The following ABCC3 variants were observed in gnomAD, a reference collection of about 807,000 sequenced individuals.
The protein encoded by ABCC3 is ATP-binding cassette sub-family C member 3.
In ABCC3, 121 loss-of-function variants were observed where a neutral mutation model predicts 165.3. The observed-to-expected ratio is 0.73, with a 90% CI of 0.63 to 0.85. The LOEUF (loss-of-function observed/expected upper bound fraction) is 0.85. Ranked by LOEUF, ABCC3 falls within the 40% of genes least tolerant of loss-of-function variation. ABCC3 has a pLI of 0.00. For missense variants in ABCC3, 1,869 were observed against 1,964.1 expected (o/e 0.95, Z 0.92); for synonymous variants, 733 against 810.1 (o/e 0.90, Z 1.62).
rs115153115 is a variant in ABCC3, at chr17:50,671,344, C to T, written c.2242-1627C>T. Among the ~76,000 whole-genome samples the T allele has an allele frequency of 3.4e-3, 514 of 152,124 alleles. 2 individuals are homozygous for T. Among genetic ancestry groups the T allele is most frequent in the African/African-American group, 0.012 (496 of 41,494 alleles). Reference sequence around the variant, plus strand: ...AAGTACATTTACATTGCTGTGCAACCGATCTCCAGAACCTTTTCATCTTGC... The same window carrying T: ...AAGTACATTTACATTGCTGTGCAACTGATCTCCAGAACCTTTTCATCTTGC... On this transcript the variant is annotated intron_variant, in intron 17 of 30. Transcript: ENST00000285238.
At chr17:50,666,666 G>A (rs1967532971) in intron 11 of ABCC3, among the ~76,000 whole-genome samples, 1 of 152,212 alleles carries the variant, frequency 6.6e-6, no homozygotes, top group African/African-American at 2.4e-5. Flanking sequence ...CAGATCGTCA[G>A]CTGTATCATG....
intron 7 of ABCC3, among the ~76,000 whole-genome samples, chr17:50,660,363 C>A (rs1967348409): frequency 2.0e-5 from 3 of 152,208 alleles, no homozygotes; most frequent in Non-Finnish European, 2.9e-5. Flanking sequence ...TTGAACCCTC[C>A]CTCCTCCCAT....
intron 19 of ABCC3, among the ~76,000 whole-genome samples, chr17:50,673,913 T>TTTCA (rs1967708656): frequency 8.0e-5 from 1 of 12,436 alleles, no homozygotes; most frequent in Non-Finnish European, 1.5e-4. Context: ...TCTTTCTTTC[T>TTTCA]TTCTTTCTTT....
intron 4 of ABCC3, among the ~76,000 whole-genome samples, 188 bp downstream of exon 4, chr17:50,657,371 G>C (rs984021651): frequency 6.6e-6 from 1 of 152,228 alleles, no homozygotes; most frequent in Non-Finnish European, 1.5e-5. Context: ...GTGTAACACA[G>C]GAATGAGCCA....
intron 24 of ABCC3, 46 bp from the exon 25 acceptor site, chr17:50,678,047 C>A: frequency 6.2e-7 from 1 of 1,613,778 alleles, no homozygotes; most frequent in South Asian, 1.1e-5. Context: ...GAAAACTGGC[C>A]CTGCCCTGCC....
intron 30 of ABCC3, chr17:50,688,310 A>T (rs1479133407): frequency 6.6e-6 from 1 of 152,606 alleles, no homozygotes; most frequent in African/African-American, 2.4e-5. Flanking sequence ...TCCATGAGGC[A>T]ATGTAAGGGG....
chr17:50,689,029 C>T (rs536738390), intron 30 of ABCC3, among the ~76,000 whole-genome samples: 6 of 152,126 alleles, frequency 3.9e-5, no homozygotes, highest in Admixed American at 6.5e-5. Context: ...ATGGTGAAAC[C>T]CTGTCTCTAC....
chr17:50,668,097 G>A (rs1352465640), intron 13 of ABCC3, 88 bp downstream of exon 13: 4 of 1,170,246 alleles, frequency 3.4e-6, no homozygotes, highest in East Asian at 2.3e-5. Flanking sequence ...GGGATAATCA[G>A]GGGGAGTTAT....
chr17:50,644,310 CAAAAAA>C (rs57937379), intron 1 of ABCC3, among the ~76,000 whole-genome samples: 1 of 51,264 alleles, frequency 2.0e-5, no homozygotes, highest in East Asian at 7.1e-4. Flanking sequence ...GACTCCGTCT[CAAAAAA>C]AAAAAAAAAA....
At chr17:50,655,418 AAAACAAAAAC>A (rs1567827909) in intron 1 of ABCC3, among the ~76,000 whole-genome samples, 2 of 147,986 alleles carry the variant, frequency 1.4e-5, no homozygotes, top group East Asian at 4.1e-4. Flanking sequence ...AAAAAAAAAA[AAAACAAAAAC>A]AAAAAAAAAA....
At position 50,658,148 on chromosome 17, in the gene ABCC3, C is replaced by T; in HGVS notation, c.553C>T (p.Leu185Phe). 2 of 1,614,216 alleles carry T rather than the reference C, an allele frequency of 1.2e-6. No individual in the cohort carries two copies. Among genetic ancestry groups the T allele is most frequent in the Non-Finnish European group, 8.5e-7 (1 of 1,180,028 alleles). The change falls in exon 5 of 31, where the codon CTC becomes TTC. Residue 185 changes from leucine (L) to phenylalanine (F), a missense_variant. Physicochemically the swap from Leu to Phe is conservative, Grantham distance 22. Transcript: ENST00000285238. ...YIHFALVLSALILACFREKPP... is the reference protein window; with the variant it reads ...YIHFALVLSAFILACFREKPP... ...CCACTTTGCCCTGGTACTCTCTGCC[C>T]TCATCTTGGCCTGCTTCAGGGAGAA... is the stretch of plus-strand genomic sequence containing the variant.
chr17:50,659,216 C>A, intron 6 of ABCC3, 21 bp from the exon 7 acceptor site: 3 of 1,612,348 alleles, frequency 1.9e-6, no homozygotes, highest in Non-Finnish European at 2.5e-6. Context: ...GGGCTGCCTG[C>A]CGGGCTTCAC....
intron 29 of ABCC3, chr17:50,687,296 C>T (rs1357718571): frequency 1.4e-5 from 7 of 485,888 alleles, no homozygotes; most frequent in African/African-American, 3.9e-5. Flanking sequence ...CCAAGGGTGC[C>T]AAGAGCAGAC....
chr17:50,678,683 G>A (rs184374896), intron 25 of ABCC3, among the ~76,000 whole-genome samples: 1 of 152,334 alleles, frequency 6.6e-6, no homozygotes. Context: ...CACTTTGGGA[G>A]GCGGAGGTGG....
rs762361686 is a variant in ABCC3, at chr17:50,668,916, A to C, written c.1934A>C (p.His645Pro). The C allele has an allele frequency of 8.1e-6, 13 of 1,613,844 alleles. No homozygotes were observed. The East Asian group carries it at 2.7e-4, about 33-fold the overall frequency. The change falls in exon 15 of 31, where the codon CAC becomes CCC. Residue 645 changes from histidine (H) to proline (P), a missense_variant. His to Pro is a moderately conservative substitution (Grantham distance 77, BLOSUM62 -2). Coordinates refer to ENST00000285238, the MANE Select transcript of ABCC3 (RefSeq NM_003786.4). ...TWAQDLPPTL[H>P]SLDIQVPKGA... ...GCCCAGGACCTGCCCCCCACTCTGC[A>C]CAGGTACCAGCTTCTCCCACTCCCT... is the stretch of plus-strand genomic sequence containing the variant.
intron 23 of ABCC3, 93 bp from the exon 24 acceptor site, chr17:50,677,649 GGA>G: frequency 8.0e-7 from 1 of 1,252,836 alleles, no homozygotes; most frequent in South Asian, 1.4e-5. Flanking sequence ...AGGCTGGCTG[GGA>G]GGACTCATCT....
intron 26 of ABCC3, among the ~76,000 whole-genome samples, chr17:50,680,991 G>A (rs368847845): frequency 2.0e-5 from 3 of 151,936 alleles, no homozygotes; most frequent in Non-Finnish European, 4.4e-5. Context: ...CAGGAGAATC[G>A]CTTGAACCCA....
At chr17:50,683,555 G>T (rs1292347426) in intron 26 of ABCC3, 55 bp from the exon 27 acceptor site, 19 of 1,487,610 alleles carry the variant, frequency 1.3e-5, no homozygotes, top group Non-Finnish European at 1.7e-5. Context: ...AGACCGAAAG[G>T]TGAAAGAGGG....
Position 50,687,584 on chromosome 17 carries a change from G to T in ABCC3, c.4329G>T (p.Lys1443Asn). 6.2e-7 allele frequency: 1 copy of T among 1,614,222 alleles called. No homozygotes were observed. The change falls in exon 30 of 31, where the codon AAG becomes AAT. Residue 1443 changes from lysine to asparagine, a missense_variant. Lys to Asn is a moderately conservative substitution (Grantham distance 94). Coordinates refer to ENST00000285238, the MANE Select transcript of ABCC3 (RefSeq NM_003786.4). Reference protein sequence around the residue: ...LVCLARALLRKSRILVLDEAT... With the variant: ...LVCLARALLRNSRILVLDEAT... ...GCCTGGCCCGAGCCCTGCTCCGCAA[G>T]AGCCGCATCCTGGTTTTAGACGAGG...
Sources: gnomAD v4.1 joint callset for allele counts (sites outside exome capture counted in the v4.1 genomes callset) on GRCh38, gnomAD v4.1.1 for gene constraint, MANE v1.5 for transcripts, NCBI Gene and HGNC (gene_info 2026-07-23, HGNC 2026-07-21) for gene names.